Variants in C8orf74 observed in about 807,000 individuals in gnomAD.
C8orf74 encodes the protein chromosome 8 open reading frame 74, also known as uncharacterized protein C8orf74.
C8orf74 carries 29 observed loss-of-function variants against 22.2 expected under a neutral mutation model. The ratio of observed to expected loss-of-function variants is 1.31; its 90% CI spans 0.97 to 1.78. The LOEUF (loss-of-function observed/expected upper bound fraction) is 1.78. Among genes scored for constraint, C8orf74 ranks in the 40% most tolerant of loss-of-function variants. C8orf74 has a pLI of 0.00. For missense variants in C8orf74, 515 were observed against 369.9 expected, an observed-to-expected ratio of 1.39 and a Z score of -3.22; for synonymous variants, 255 against 163.1, an observed-to-expected ratio of 1.56 and a Z score of -4.30.
chr8:10,697,801 C>G lies in C8orf74; in HGVS notation c.444C>G (p.Pro148=), dbSNP rs1799558932. ...CCCACCTGGAGGTGTGCATGCCACC[C>G]CATCCCCTCCCGCTGGCCGAGGGCA... The part of the protein sequence containing the change: ...TVAHLEVCMP[P]HPLPLAEGMD... Residue 148 remains proline, a synonymous_variant, in exon 3 of 4, where the codon CCC becomes CCG. Transcript: ENST00000304519. The G allele has an allele frequency of 6.2e-7, 1 of 1,613,888 alleles. No individual in the cohort carries two copies. The highest frequency in any genetic ancestry group is 1.3e-5 in the African/African-American group (1 of 74,956).
chr8:10,691,803 T>A (rs1367997135), intron 2 of C8orf74: 1 of 152,328 alleles, frequency 6.6e-6, no homozygotes, highest in African/African-American at 2.4e-5. Context: ...TGTTCCGTGA[T>A]GAAGTCAACT....
intron 2 of C8orf74, among the ~76,000 whole-genome samples, chr8:10,694,593 A>C (rs140255834): frequency 6.6e-6 from 1 of 152,362 alleles, no homozygotes; most frequent in Non-Finnish European, 1.5e-5. Flanking sequence ...TGTATAAGAT[A>C]AGGCAAACAT....
intron 2 of C8orf74, chr8:10,687,421 G>A (rs1203692194): frequency 1.2e-5 from 3 of 246,960 alleles, no homozygotes; most frequent in South Asian, 8.6e-5. Context: ...AGGCCAAGGC[G>A]GGTGTATCAC....
Position 10,700,506 on chromosome 8 carries a change from C to T in C8orf74, c.*35C>T. On this transcript the variant is annotated 3_prime_UTR_variant, in exon 4 of 4. Coordinates refer to ENST00000304519, the MANE Select transcript of C8orf74 (RefSeq NM_001040032.2). ...ACTGCCACACGAGACTGACTGGGGA[C>T]CAGCCACCCATAACCATGAGCCTTG... 2.2e-6 allele frequency: 3 copies of T among 1,365,462 alleles called. No homozygotes were observed. The highest frequency in any genetic ancestry group is 3.0e-6 in the Non-Finnish European group (3 of 1,001,098). 84.6% of individuals were successfully genotyped at this position (1,365,462 alleles called of 1,614,324 possible).
At chr8:10,676,843 A>G (rs1297770004) in intron 2 of C8orf74, among the ~76,000 whole-genome samples, 1 of 152,192 alleles carries the variant, frequency 6.6e-6, no homozygotes, top group East Asian at 1.9e-4. Flanking sequence ...GCTCGTGGCC[A>G]GAACAAACAC....
chr8:10,672,791 C>A (rs1425554507), intron 1 of C8orf74, 78 bp downstream of exon 1: 1 of 1,360,258 alleles, frequency 7.4e-7, no homozygotes, highest in African/African-American at 1.4e-5. Flanking sequence ...ACTGGAAGCG[C>A]CTCTTCAGGA....
At chr8:10,685,718 CA>C (rs1799249176) in intron 2 of C8orf74, among the ~76,000 whole-genome samples, 1 of 152,104 alleles carries the variant, frequency 6.6e-6, no homozygotes, top group South Asian at 2.1e-4. Context: ...AGATGGATGG[CA>C]GTGATGGCTG....
intron 2 of C8orf74, among the ~76,000 whole-genome samples, chr8:10,678,869 G>A (rs1419856891): frequency 6.6e-6 from 1 of 152,230 alleles, no homozygotes; most frequent in Non-Finnish European, 1.5e-5. Context: ...CCCTGAGCCA[G>A]GAGGCTGGCC....
At chr8:10,675,047 C>T (rs1362116697) in intron 2 of C8orf74, among the ~76,000 whole-genome samples, 1 of 152,218 alleles carries the variant, frequency 6.6e-6, no homozygotes, top group Non-Finnish European at 1.5e-5. Flanking sequence ...ATTGGTCTGC[C>T]TGACTGCAAA....
At chr8:10,674,576 C>T (rs1798988298) in intron 1 of C8orf74, 70 bp from the exon 2 acceptor site, 12 of 1,289,060 alleles carry the variant, frequency 9.3e-6, no homozygotes, top group Non-Finnish European at 1.3e-5. Flanking sequence ...CATATCACAC[C>T]CCGTAGCCCC....
intron 2 of C8orf74, chr8:10,691,603 A>C (rs1415917998): frequency 1.3e-5 from 2 of 152,748 alleles, no homozygotes; most frequent in South Asian, 4.1e-4. Flanking sequence ...TTGCTGATCA[A>C]AAATGATGGC....
chr8:10,695,040 T>A (rs1430004228), intron 2 of C8orf74, among the ~76,000 whole-genome samples: 5 of 147,096 alleles, frequency 3.4e-5, no homozygotes, highest in Non-Finnish European at 7.5e-5. Flanking sequence ...AATGGATGAA[T>A]GGAAAGATGG....
intron 3 of C8orf74, among the ~76,000 whole-genome samples, chr8:10,699,567 T>A (rs775659707): frequency 6.6e-6 from 1 of 152,224 alleles, no homozygotes; most frequent in African/African-American, 2.4e-5. Context: ...AGTTACGTGG[T>A]CCATGTATCC....
At chr8:10,676,539 C>G (rs1162618063) in intron 2 of C8orf74, among the ~76,000 whole-genome samples, 1 of 152,242 alleles carries the variant, frequency 6.6e-6, no homozygotes, top group Non-Finnish European at 1.5e-5. Flanking sequence ...GTGCTCCCAG[C>G]CTTAGGCACA....
intron 2 of C8orf74, among the ~76,000 whole-genome samples, chr8:10,677,845 G>C (rs559610734): frequency 2.6e-5 from 4 of 152,166 alleles, no homozygotes; most frequent in Non-Finnish European, 5.9e-5. Flanking sequence ...ATTGGCATCA[G>C]GCTGGCAGTC....
intron 2 of C8orf74, among the ~76,000 whole-genome samples, chr8:10,694,195 A>C (rs60222649): frequency 0.01 from 1,586 of 152,228 alleles, 34 homozygotes; most frequent in African/African-American, 0.037. Flanking sequence ...CAAGCAACTG[A>C]GAGCAGGGGA....
intron 3 of C8orf74, among the ~76,000 whole-genome samples, chr8:10,698,613 A>G (rs909633910): frequency 1.3e-5 from 2 of 152,120 alleles, no homozygotes; most frequent in East Asian, 1.9e-4. Context: ...CAGCTCTTCA[A>G]TGACCATGAC....
chr8:10,687,644 G>GA (rs1377738004), intron 2 of C8orf74, among the ~76,000 whole-genome samples: 1 of 148,642 alleles, frequency 6.7e-6, no homozygotes, highest in Non-Finnish European at 1.5e-5. Flanking sequence ...AAAAGAAAGA[G>GA]ATTGTATTAG....
At chr8:10,694,945 T>G in intron 2 of C8orf74, among the ~76,000 whole-genome samples, 1 of 151,044 alleles carries the variant, frequency 6.6e-6, no homozygotes, top group African/African-American at 2.4e-5. Context: ...GTTGGGTGCA[T>G]AGATGGGTGG....
Sources: allele counts gnomAD v4.1 joint callset (sites outside exome capture counted in the v4.1 genomes callset), GRCh38; gene constraint gnomAD v4.1.1; transcripts MANE v1.5; gene names NCBI Gene and HGNC (gene_info 2026-07-23, HGNC 2026-07-21).